FLT3: variants seen among roughly 807,000 people sequenced by gnomAD.
The protein encoded by FLT3 is receptor-type tyrosine-protein kinase FLT3.
A neutral mutation model predicts 126.6 loss-of-function variants in FLT3; 46 were observed. That is an observed-to-expected ratio of 0.36 (90% CI 0.29 to 0.46). The LOEUF is 0.46. Ranked by LOEUF, FLT3 falls within the 20% of genes least tolerant of loss-of-function variation. The pLI is 1.00. For missense variants in FLT3, 1,069 were observed against 1,190.3 expected, an observed-to-expected ratio of 0.90 and a Z score of 1.50; for synonymous variants, 404 against 434.4, an observed-to-expected ratio of 0.93 and a Z score of 0.87.
At position 28,089,987 on chromosome 13, in the gene FLT3, C is replaced by T. The variant is rs138155013; in HGVS notation, c.43+10481G>A. On this transcript the variant is annotated intron_variant, in intron 1 of 23. Transcript: ENST00000241453. ...AACTCCTGACTTCAAATGATCCGCC[C>T]GCCTCGGCCTCCCCAAATGCTGAGA... 9.2e-3 allele frequency among the ~76,000 whole-genome samples: 1,393 copies of T among 151,716 alleles called. 29 individuals are homozygous for T. The highest frequency in any genetic ancestry group is 0.032 in the African/African-American group (1,305 of 41,246).
chr13:28,012,371 C>A (rs546426158), intron 23 of FLT3, among the ~76,000 whole-genome samples: 1 of 152,110 alleles, frequency 6.6e-6, no homozygotes, highest in South Asian at 2.1e-4. Flanking sequence ...CAAACCAAGA[C>A]CCAAGTGGTC....
At chr13:28,074,054 A>G (rs1293301629) in intron 1 of FLT3, among the ~76,000 whole-genome samples, 1 of 152,116 alleles carries the variant, frequency 6.6e-6, no homozygotes, top group East Asian at 1.9e-4. Context: ...ACGCCCTGCT[A>G]CCAACCCCAT....
At chr13:28,055,337 T>C (rs925660442) in intron 4 of FLT3, among the ~76,000 whole-genome samples, 8 of 152,222 alleles carry the variant, frequency 5.3e-5, no homozygotes, top group Non-Finnish European at 8.8e-5. Flanking sequence ...ACATTCCCAA[T>C]TCCTTCAACT....
At chr13:28,066,747 G>GA (rs1877072182) in intron 2 of FLT3, among the ~76,000 whole-genome samples, 1 of 152,122 alleles carries the variant, frequency 6.6e-6, no homozygotes, top group Non-Finnish European at 1.5e-5. Flanking sequence ...GGGAATGTAG[G>GA]AAAAAGAAAA....
intron 5 of FLT3, 119 bp downstream of exon 5, chr13:28,052,426 C>T (rs1236142710): frequency 1.8e-6 from 2 of 1,092,118 alleles, no homozygotes; most frequent in African/African-American, 3.1e-5. Flanking sequence ...CTTTAAGAAG[C>T]CAAAGTTTCC....
At chr13:28,041,077 T>C (rs1017832977) in intron 9 of FLT3, among the ~76,000 whole-genome samples, 34 of 152,110 alleles carry the variant, frequency 2.2e-4, no homozygotes, top group Non-Finnish European at 3.5e-4. Flanking sequence ...GACCTATTTC[T>C]GGACAACAAG....
Position 28,070,555 on chromosome 13 carries a change from T to C in FLT3, c.101A>G (p.Lys34Arg). The C allele has an allele frequency of 6.2e-7, 1 of 1,604,614 alleles. No individual in the cohort carries two copies. The highest frequency in any genetic ancestry group is 8.5e-7 in the Non-Finnish European group (1 of 1,171,878). ...GTTCTTATGATTGATTAAAACACACTTGATCACAGGCAGATCTTGATTTGT... is the reference window on the plus strand; with the variant it reads ...GTTCTTATGATTGATTAAAACACACCTGATCACAGGCAGATCTTGATTTGT... ...TITNQDLPVIKCVLINHKNND... is the reference protein window; with the variant it reads ...TITNQDLPVIRCVLINHKNND... The change falls in exon 2 of 24, where the codon AAG becomes AGG. Residue 34 changes from lysine to arginine, a missense_variant. Physicochemically the swap from Lys to Arg is conservative, Grantham distance 26 (BLOSUM62 2). Coordinates refer to ENST00000241453, the MANE Select transcript of FLT3 (RefSeq NM_004119.3).
chr13:28,015,112 G>T, intron 22 of FLT3, 45 bp downstream of exon 22: 2 of 1,214,108 alleles, frequency 1.6e-6, no homozygotes, highest in Non-Finnish European at 2.4e-6. Flanking sequence ...TAGACAGACT[G>T]TACCTTTCTG....
intron 19 of FLT3, 42 bp from the exon 20 acceptor site, chr13:28,018,631 A>G (rs768105517): frequency 6.2e-7 from 1 of 1,607,118 alleles, no homozygotes; most frequent in Middle Eastern, 1.7e-4. Flanking sequence ...TGTGATGTGT[A>G]TTATCCTGGA....
intron 1 of FLT3, among the ~76,000 whole-genome samples, chr13:28,090,029 C>T (rs1878930477): frequency 6.6e-6 from 1 of 151,828 alleles, no homozygotes; most frequent in Admixed American, 6.6e-5. Flanking sequence ...ACGTGAGCTA[C>T]TGCGCCCCGC....
Position 28,075,572 on chromosome 13 carries a change from A to G in FLT3, c.44-4960T>C, listed in dbSNP as rs546403762. Reference sequence around the variant, plus strand: ...AAACCCTGTCTCTACTAAAAATACAAAAATTAGCCGGGTGAAGTGGCGCAT... The same window carrying G: ...AAACCCTGTCTCTACTAAAAATACAGAAATTAGCCGGGTGAAGTGGCGCAT... On this transcript the variant is annotated intron_variant, in intron 1 of 23. Coordinates refer to ENST00000241453, the MANE Select transcript of FLT3 (RefSeq NM_004119.3). Among the ~76,000 whole-genome samples the G allele has an allele frequency of 8.6e-5, 13 of 152,012 alleles. No individual in the cohort carries two copies. In the East Asian group the frequency reaches 2.5e-3, roughly 30 times the overall value.
rs750445891 is a variant in FLT3 at position 28,052,618 on chromosome 13, C to T, written c.541G>A (p.Ala181Thr). 23 of 1,612,888 alleles carry T rather than the reference C, an allele frequency of 1.4e-5. No individual in the cohort carries two copies. The highest frequency in any genetic ancestry group is 5.0e-5 in the Admixed American group (3 of 59,980). ...PYFRKMENQD[A>T]LVCISESVPE... ...ACGCTCTCAGATATGCAGACCAGGG[C>T]GTCCTGGTTTTCCATTTTTCTAAAG... Residue 181 changes from alanine (A) to threonine (T), a missense_variant, in exon 5 of 24, where the codon GCC (alanine) becomes ACC (threonine). Transcript: ENST00000241453.
At chr13:28,026,146 T>C (rs751279700) in intron 17 of FLT3, among the ~76,000 whole-genome samples, 20 of 150,622 alleles carry the variant, frequency 1.3e-4, no homozygotes, top group Non-Finnish European at 2.4e-4. Flanking sequence ...AGGTCAGGAG[T>C]TCAACACCAG....
At chr13:28,051,957 G>A (rs1566084718) in intron 5 of FLT3, among the ~76,000 whole-genome samples, 1 of 151,834 alleles carries the variant, frequency 6.6e-6, no homozygotes, top group Non-Finnish European at 1.5e-5. Context: ...ACTTTTACTT[G>A]TGTAGCATGA....
chr13:28,018,395 G>A (rs776472015), intron 20 of FLT3, 72 bp downstream of exon 20: 28 of 1,544,820 alleles, frequency 1.8e-5, no homozygotes, highest in Admixed American at 8.4e-5. Context: ...CACAGTGAGT[G>A]CAGTTGTTTA....
intron 9 of FLT3, among the ~76,000 whole-genome samples, chr13:28,040,260 G>T (rs1874226559): frequency 6.6e-6 from 1 of 152,146 alleles, no homozygotes; most frequent in Non-Finnish European, 1.5e-5. Context: ...AGAAGTAAAA[G>T]TTCAGATTTG....
chr13:28,083,596 C>A (rs1312448847), intron 1 of FLT3, among the ~76,000 whole-genome samples: 1 of 152,154 alleles, frequency 6.6e-6, no homozygotes, highest in African/African-American at 2.4e-5. Context: ...TGGTGGATTT[C>A]CCAGTGAGAG....
chr13:28,073,950 A>AG (rs1367866957), intron 1 of FLT3, among the ~76,000 whole-genome samples: 1 of 147,428 alleles, frequency 6.8e-6, no homozygotes, highest in Non-Finnish European at 1.5e-5. Flanking sequence ...TAAAAAAAAA[A>AG]AAAAAAGAAA....
chr13:28,064,396 G>C (rs1287922326), intron 2 of FLT3, among the ~76,000 whole-genome samples: 1 of 151,930 alleles, frequency 6.6e-6, no homozygotes, highest in African/African-American at 2.4e-5. Context: ...AAGATGGTGA[G>C]ACCCTGTCTG....
Sources: allele counts gnomAD v4.1 joint callset (sites outside exome capture counted in the v4.1 genomes callset), GRCh38; gene constraint gnomAD v4.1.1; transcripts MANE v1.5; gene names NCBI Gene and HGNC (gene_info 2026-07-23, HGNC 2026-07-21).